RANBP17: variants seen among roughly 807,000 people sequenced by gnomAD.
RANBP17 encodes the protein ran-binding protein 17.
Under a neutral mutation model 141.2 loss-of-function variants are expected in RANBP17, and 158 were observed. The ratio of observed to expected loss-of-function variants is 1.12; its 90% CI spans 0.98 to 1.28. The LOEUF (loss-of-function observed/expected upper bound fraction) is 1.28, where lower values mean the gene tolerates loss of function less well. Among genes scored for constraint, RANBP17 ranks in the 50% most tolerant of loss-of-function variants. RANBP17 has a pLI of 0.00. For synonymous variants in RANBP17, 430 were observed against 450.0 expected (o/e 0.96, Z 0.56); for missense variants, 1,438 against 1,290.7 (o/e 1.11, Z -1.75).
intron 18 of RANBP17, among the ~76,000 whole-genome samples, chr5:171,198,061 A>G (rs1344703710): frequency 6.6e-6 from 1 of 152,194 alleles, no homozygotes; most frequent in South Asian, 2.1e-4. Context: ...GCAAAATGCT[A>G]TGGGAATCCA....
intron 14 of RANBP17, among the ~76,000 whole-genome samples, chr5:171,136,104 G>A (rs1200296917): frequency 6.6e-6 from 1 of 152,152 alleles, no homozygotes; most frequent in Non-Finnish European, 1.5e-5. Flanking sequence ...TTTAGTTGAT[G>A]CTTGAATCAA....
At chr5:171,116,080 G>A (rs1280505564) in intron 14 of RANBP17, among the ~76,000 whole-genome samples, 3 of 152,194 alleles carry the variant, frequency 2.0e-5, no homozygotes, top group East Asian at 3.8e-4. Flanking sequence ...CTAACTTCTT[G>A]TAGAGAGAAT....
chr5:171,063,662 C>T (rs1784081006), intron 14 of RANBP17, among the ~76,000 whole-genome samples: 1 of 152,226 alleles, frequency 6.6e-6, no homozygotes, highest in Admixed American at 6.5e-5. Flanking sequence ...TCTCAAACTG[C>T]ATGCTGGGAG....
chr5:171,006,770 C>T (rs924849884), intron 14 of RANBP17, among the ~76,000 whole-genome samples: 6 of 151,018 alleles, frequency 4.0e-5, no homozygotes, highest in Admixed American at 6.6e-5. Flanking sequence ...AATAGGTCGG[C>T]CTTCTGGCCC....
At chr5:171,254,641 T>A (rs1188105047) in intron 24 of RANBP17, among the ~76,000 whole-genome samples, 5 of 152,230 alleles carry the variant, frequency 3.3e-5, no homozygotes, top group African/African-American at 1.2e-4. Flanking sequence ...AAGTAATATA[T>A]GTACATAATA....
chr5:171,012,713 T>C lies in RANBP17; in HGVS notation c.1710+44336T>C, dbSNP rs529939732. Among the ~76,000 whole-genome samples, 21 of 152,306 alleles carry C rather than the reference T, an allele frequency of 1.4e-4. 1 individual carries two copies. The South Asian group carries it at 1.4e-3, about 11-fold the overall frequency. On this transcript the variant is annotated intron_variant, in intron 14 of 27. Coordinates refer to ENST00000523189, the MANE Select transcript of RANBP17 (RefSeq NM_022897.5). ...TAAGTCATTATTTGCTGTTCCTTTT[T>C]CAGTTACCTCATAATTTTCATGACA...
chr5:171,028,903 G>T, intron 14 of RANBP17: 3 of 1,288,544 alleles, frequency 2.3e-6, no homozygotes, highest in Non-Finnish European at 3.0e-6. Flanking sequence ...AGGGCTTGTG[G>T]CAAACCTATC....
At chr5:171,065,378 G>A (rs913140103) in intron 14 of RANBP17, among the ~76,000 whole-genome samples, 4 of 152,108 alleles carry the variant, frequency 2.6e-5, no homozygotes, top group African/African-American at 9.7e-5. Context: ...ATTCTCATAA[G>A]GAGCACACAA....
intron 22 of RANBP17, among the ~76,000 whole-genome samples, chr5:171,223,107 A>T (rs1763673800): frequency 6.6e-6 from 1 of 152,134 alleles, no homozygotes; most frequent in African/African-American, 2.4e-5. Context: ...AGTTGTTTTT[A>T]CCTCATTTCA....
intron 13 of RANBP17, among the ~76,000 whole-genome samples, chr5:170,960,196 G>A (rs1189233531): frequency 1.3e-5 from 2 of 152,140 alleles, no homozygotes; most frequent in African/African-American, 4.8e-5. Context: ...GGAATTTAGG[G>A]TTTTCTCTAA....
chr5:171,245,199 A>G (rs1481680920), intron 24 of RANBP17, among the ~76,000 whole-genome samples: 33 of 151,986 alleles, frequency 2.2e-4, no homozygotes, highest in Admixed American at 2.0e-3. Flanking sequence ...ATCTGTTCCT[A>G]TGGATTTTTC....
intron 14 of RANBP17, among the ~76,000 whole-genome samples, chr5:171,148,257 G>A (rs1327374645): frequency 6.6e-6 from 1 of 152,128 alleles, no homozygotes; most frequent in Non-Finnish European, 1.5e-5. Flanking sequence ...ACTGCGGAAG[G>A]CCGCAGGTTC....
chr5:170,929,218 TTTTG>T (rs1773153189), intron 12 of RANBP17, among the ~76,000 whole-genome samples: 1 of 152,104 alleles, frequency 6.6e-6, no homozygotes, highest in African/African-American at 2.4e-5. Flanking sequence ...TCTCCATGCC[TTTTG>T]TTTATTTTTC....
At chr5:171,028,636 A>T (rs543136042) in intron 14 of RANBP17, among the ~76,000 whole-genome samples, 5 of 152,266 alleles carry the variant, frequency 3.3e-5, no homozygotes, top group African/African-American at 1.2e-4. Context: ...AGATGTCATG[A>T]TCAATTGTGG....
intron 1 of RANBP17, among the ~76,000 whole-genome samples, chr5:170,872,307 G>C (rs1362175481): frequency 1.3e-5 from 2 of 152,044 alleles, no homozygotes; most frequent in African/African-American, 2.4e-5. Flanking sequence ...TGATTTGGCT[G>C]TCTGCTTGTC....
intron 12 of RANBP17, among the ~76,000 whole-genome samples, chr5:170,941,826 G>A (rs2127476250): frequency 6.6e-6 from 1 of 152,314 alleles, no homozygotes; most frequent in African/African-American, 2.4e-5. Flanking sequence ...AGTGGAATCA[G>A]TTGGAAATGG....
chr5:171,210,112 C>G (rs892243538), intron 20 of RANBP17, among the ~76,000 whole-genome samples: 1 of 152,122 alleles, frequency 6.6e-6, no homozygotes, highest in Non-Finnish European at 1.5e-5. Context: ...TAGAGAAGAT[C>G]TCAGTGAAAG....
intron 5 of RANBP17, among the ~76,000 whole-genome samples, chr5:170,906,288 A>G (rs1487421594): frequency 6.6e-6 from 1 of 151,982 alleles, no homozygotes; most frequent in Non-Finnish European, 1.5e-5. Flanking sequence ...CTGGAGAAAA[A>G]TTTCTCAATC....
intron 4 of RANBP17, among the ~76,000 whole-genome samples, chr5:170,895,811 G>A (rs912343851): frequency 6.6e-6 from 1 of 152,110 alleles, no homozygotes; most frequent in African/African-American, 2.4e-5. Flanking sequence ...TATAAGGGAG[G>A]AGCTTTTTCC....
Sources: allele counts gnomAD v4.1 joint callset (sites outside exome capture counted in the v4.1 genomes callset), GRCh38; gene constraint gnomAD v4.1.1; transcripts MANE v1.5; gene names NCBI Gene and HGNC (gene_info 2026-07-23, HGNC 2026-07-21).